ABCC1: variants seen among roughly 807,000 people sequenced by gnomAD.
ABCC1 encodes the protein ATP binding cassette subfamily C member 1 (ABCC1 blood group).
Under a neutral mutation model 172.9 loss-of-function variants are expected in ABCC1, and 83 were observed. The observed-to-expected ratio is 0.48, with a 90% CI of 0.40 to 0.58. The LOEUF (loss-of-function observed/expected upper bound fraction) is 0.58. Ranked by LOEUF, ABCC1 falls within the 20% of genes least tolerant of loss-of-function variation. ABCC1 has a pLI of 0.00. For synonymous variants in ABCC1, 937 were observed against 825.2 expected, an observed-to-expected ratio of 1.14 and a Z score of -2.32; for missense variants, 1,817 against 2,002.7, an observed-to-expected ratio of 0.91 and a Z score of 1.77.
chr16:15,988,876 A>T (rs152024), intron 1 of ABCC1, among the ~76,000 whole-genome samples: 106,492 of 151,682 alleles, frequency 0.7, 38,776 homozygotes, highest in Non-Finnish European at 0.81. Flanking sequence ...GAGGCCAGAC[A>T]GGGCAACATA....
intron 1 of ABCC1, among the ~76,000 whole-genome samples, chr16:15,968,631 C>G (rs2046299749): frequency 6.6e-6 from 1 of 152,190 alleles, no homozygotes; most frequent in Non-Finnish European, 1.5e-5. Flanking sequence ...CCTGCCGCAG[C>G]CTCCCAAAGT....
chr16:16,045,855 A>G lies in ABCC1; in HGVS notation c.1060A>G (p.Asn354Asp). The G allele has an allele frequency of 6.2e-7, 1 of 1,614,094 alleles. No homozygotes were observed. Among genetic ancestry groups the G allele is most frequent in the South Asian group, 1.1e-5 (1 of 91,054 alleles). ...TTGCAGGTTGCTCATCAAGTTCGTG[A>G]ATGACACGAAGGCCCCAGACTGGCA... ...QILKLLIKFV[N>D]DTKAPDWQGY... The change falls in exon 9 of 31, where the codon AAT (asparagine) becomes GAT (aspartate). Residue 354 changes from asparagine (N) to aspartate (D), a missense_variant. This residue lies in a region of ABCC1 where 1,412 missense variants were observed against 1,600.3 expected (regional missense o/e 0.88). Coordinates refer to ENST00000399410, the MANE Select transcript of ABCC1 (RefSeq NM_004996.4).
At chr16:16,003,463 G>A (rs1415573963) in intron 1 of ABCC1, among the ~76,000 whole-genome samples, 1 of 135,768 alleles carries the variant, frequency 7.4e-6, no homozygotes. Flanking sequence ...GGGTGGATGG[G>A]TGAATTAGTG....
At chr16:16,008,942 T>TG (rs199828148) in intron 2 of ABCC1, among the ~76,000 whole-genome samples, 6,136 of 129,336 alleles carry the variant, frequency 0.047, 431 homozygotes, top group African/African-American at 0.14. Flanking sequence ...TTTTTTTTTT[T>TG]TTTGTTGTTG....
intron 27 of ABCC1, among the ~76,000 whole-genome samples, chr16:16,132,493 T>C (rs1023853990): frequency 2.0e-5 from 3 of 149,410 alleles, no homozygotes; most frequent in Admixed American, 6.8e-5. Flanking sequence ...AGTTCTTTTT[T>C]TGTTTTTTGG....
At position 16,079,470 on chromosome 16, in the gene ABCC1, G is replaced by A; in HGVS notation, c.2107G>A (p.Ala703Thr). 6.2e-7 allele frequency: 1 copy of A among 1,612,626 alleles called. No individual in the cohort carries two copies. Among genetic ancestry groups the A allele is most frequent in the South Asian group, 1.1e-5 (1 of 90,976 alleles). ...GATGGACAAAGTGGAGGGGCACGTG[G>A]CTATCAAGGTAGGATGAGGACCAGC... ...AEMDKVEGHVAIKGSVAYVPQ... is the reference protein window; with the variant it reads ...AEMDKVEGHVTIKGSVAYVPQ... Residue 703 changes from alanine to threonine, a missense_variant, in exon 16 of 31, where the codon GCT becomes ACT. This residue lies in a region of ABCC1 where 1,412 missense variants were observed against 1,600.3 expected (regional missense o/e 0.88). Coordinates refer to ENST00000399410, the MANE Select transcript of ABCC1 (RefSeq NM_004996.4).
intron 21 of ABCC1, 68 bp downstream of exon 21, chr16:16,106,941 TGTGCAAAGTGCC>T: frequency 6.3e-7 from 1 of 1,591,754 alleles, no homozygotes; most frequent in East Asian, 2.2e-5. Flanking sequence ...CACTGGGCAC[TGTGCAAAGTGCC>T]TTGTCTATGT....
intron 1 of ABCC1, among the ~76,000 whole-genome samples, chr16:15,953,036 C>A (rs1442744189): frequency 6.8e-6 from 1 of 147,534 alleles, no homozygotes; most frequent in Non-Finnish European, 1.5e-5. Flanking sequence ...GACTGAGACC[C>A]TGTCTCAAAA....
intron 1 of ABCC1, among the ~76,000 whole-genome samples, chr16:15,995,513 G>GT (rs1327613934): frequency 1.2e-5 from 1 of 80,872 alleles, no homozygotes; most frequent in Non-Finnish European, 3.5e-5. Flanking sequence ...CATACATAGA[G>GT]TTGTTTTTTT....
At position 16,045,958 on chromosome 16, in the gene ABCC1, G is replaced by A. The variant is rs2049190881; in HGVS notation, c.1163G>A (p.Cys388Tyr). The change falls in exon 9 of 31, where the codon TGC becomes TAC. Residue 388 changes from cysteine to tyrosine, a missense_variant. Coordinates refer to ENST00000399410, the MANE Select transcript of ABCC1 (RefSeq NM_004996.4). Reference sequence around the variant, plus strand: ...GTGCTGCACCAGTACTTCCACATCTGCTTCGTCAGTGGCATGAGGATCAAG... The same window carrying A: ...GTGCTGCACCAGTACTTCCACATCTACTTCGTCAGTGGCATGAGGATCAAG... Reference protein sequence around the residue: ...TLVLHQYFHICFVSGMRIKTA... With the variant: ...TLVLHQYFHIYFVSGMRIKTA... 2 of 1,614,034 alleles carry A rather than the reference G, an allele frequency of 1.2e-6. No individual in the cohort carries two copies. Among genetic ancestry groups the A allele is most frequent in the African/African-American group, 2.7e-5 (2 of 74,924 alleles).
Position 16,138,537 on chromosome 16 carries a change from A to C in ABCC1, c.4466A>C (p.Asn1489Thr). The C allele has an allele frequency of 1.2e-6, 2 of 1,600,714 alleles. No individual in the cohort carries two copies. The highest frequency in any genetic ancestry group is 1.7e-6 in the Non-Finnish European group (2 of 1,169,518). ...CTVLTIAHRL[N>T]TIMDYTRVIV... ...GTCCTCACCATCGCCCACCGGCTCA[A>C]CACCATCATGGACTACACAAGGTGA... The change falls in exon 30 of 31, where the codon AAC becomes ACC. Residue 1489 changes from asparagine (N) to threonine (T), a missense_variant. Physicochemically the swap from Asn to Thr is moderately conservative, Grantham distance 65. This residue lies in a region of ABCC1 where 1,412 missense variants were observed against 1,600.3 expected (regional missense o/e 0.88). Coordinates refer to ENST00000399410, the MANE Select transcript of ABCC1 (RefSeq NM_004996.4).
At chr16:16,071,550 A>C in intron 13 of ABCC1, 92 bp from the exon 14 acceptor site, 3 of 1,020,200 alleles carry the variant, frequency 2.9e-6, no homozygotes, top group Non-Finnish European at 4.5e-6. Context: ...GTGCCCCTCC[A>C]CACCTGGGGA....
At chr16:15,996,134 G>A (rs916281697) in intron 1 of ABCC1, among the ~76,000 whole-genome samples, 3 of 151,722 alleles carry the variant, frequency 2.0e-5, no homozygotes, top group East Asian at 1.9e-4. Context: ...ACAGGCGCAC[G>A]CCACCATGCC....
In ABCC1 at chr16:15,963,478, T is replaced by C. The variant is rs1035726181; in HGVS notation, c.48+13679T>C. On this transcript the variant is annotated intron_variant, in intron 1 of 30. Transcript: ENST00000399410. Reference sequence around the variant, plus strand: ...CCTTCTTTACTGCATTGGTAGAGGTTCTCCATAAAGGCTCCACCCCTGCAG... The same window carrying C: ...CCTTCTTTACTGCATTGGTAGAGGTCCTCCATAAAGGCTCCACCCCTGCAG... Among the ~76,000 whole-genome samples the C allele has an allele frequency of 2.0e-5, 3 of 152,292 alleles. No individual in the cohort carries two copies. The East Asian group carries it at 5.8e-4, about 29-fold the overall frequency.
intron 5 of ABCC1, among the ~76,000 whole-genome samples, chr16:16,026,668 C>A (rs947621593): frequency 6.6e-6 from 1 of 151,606 alleles, no homozygotes; most frequent in South Asian, 2.1e-4. Flanking sequence ...GTAATCCCAG[C>A]GCTTTGTGAG....
Position 16,111,391 on chromosome 16 carries a change from A to C in ABCC1, c.2888A>C (p.Tyr963Ser). 1 of 1,614,078 alleles carries C rather than the reference A, an allele frequency of 6.2e-7. No individual in the cohort carries two copies. The highest frequency in any genetic ancestry group is 8.5e-7 in the Non-Finnish European group (1 of 1,179,996). ...AQTGQVKLSV[Y>S]WDYMKAIGLF... Reference sequence around the variant, plus strand: ...GATCTCCAGGTCAAGCTTTCCGTGTACTGGGACTACATGAAGGCCATCGGA... The same window carrying C: ...GATCTCCAGGTCAAGCTTTCCGTGTCCTGGGACTACATGAAGGCCATCGGA... The change falls in exon 22 of 31, where the codon TAC (tyrosine) becomes TCC (serine). Residue 963 changes from tyrosine (Y) to serine (S), a missense_variant. By Grantham distance (144) the Tyr-to-Ser change is moderately radical (BLOSUM62 -2). Around this residue, in one of 3 missense-constraint regions of ABCC1, gnomAD observed 1,412 missense variants for 1,600.3 expected, o/e 0.88. Transcript: ENST00000399410.
chr16:16,054,560 G>A (rs947838072), intron 11 of ABCC1, among the ~76,000 whole-genome samples: 1 of 152,100 alleles, frequency 6.6e-6, no homozygotes, highest in African/African-American at 2.4e-5. Flanking sequence ...ATGAGTTTCA[G>A]GACATGGGCC....
chr16:16,015,039 G>A (rs190181143), intron 4 of ABCC1, among the ~76,000 whole-genome samples: 53 of 151,906 alleles, frequency 3.5e-4, no homozygotes, highest in African/African-American at 1.2e-3. Flanking sequence ...TTGTCCTCGC[G>A]TTACCTTTGT....
intron 7 of ABCC1, among the ~76,000 whole-genome samples, chr16:16,040,134 T>C (rs1321625236): frequency 1.3e-5 from 2 of 151,898 alleles, no homozygotes; most frequent in Non-Finnish European, 2.9e-5. Flanking sequence ...CTTGCTCTGT[T>C]GCTCAGGCTG....
Sources: allele counts gnomAD v4.1 joint callset (sites outside exome capture counted in the v4.1 genomes callset), GRCh38; gene constraint gnomAD v4.1.1; regional missense constraint gnomAD v4.1.1; transcripts MANE v1.5; gene names NCBI Gene and HGNC (gene_info 2026-07-23, HGNC 2026-07-21).